The following RAB6B variants were observed in gnomAD, a reference collection of about 807,000 sequenced individuals.
RAB6B encodes the protein RAB6B, member RAS oncogene family.
Under a neutral mutation model 31.2 loss-of-function variants are expected in RAB6B, and 7 were observed. The observed-to-expected ratio is 0.22, with a 90% confidence interval of 0.13 to 0.42. The LOEUF is 0.42. RAB6B is among the 10% of genes least tolerant of loss of function. The probability of loss-of-function intolerance (pLI) is 1.00; values close to 1 mark genes in which losing one functional copy is unlikely to be tolerated. For synonymous variants in RAB6B, 105 were observed against 104.9 expected (o/e 1.00, Z -0.01); for missense variants, 149 against 280.6 (o/e 0.53, Z 3.35).
rs144136566 is a variant in RAB6B at position 133,852,604 on chromosome 3, G to A, written c.130-10941C>T. On this transcript the variant is annotated intron_variant, in intron 2 of 7. Coordinates refer to ENST00000285208, the MANE Select transcript of RAB6B (RefSeq NM_016577.4). ...TCCTGCCTCAGCCTCCCAAGTAGTT[G>A]GAACTACAGGAGTGTGCCACCACGC... 2.6e-3 allele frequency among the ~76,000 whole-genome samples: 391 copies of A among 151,678 alleles called. 5 individuals carry two copies. Among genetic ancestry groups the A allele is most frequent in the South Asian group, 0.022 (105 of 4,794 alleles).
At chr3:133,859,252 T>A (rs1936125875) in intron 2 of RAB6B, among the ~76,000 whole-genome samples, 1 of 152,248 alleles carries the variant, frequency 6.6e-6, no homozygotes, top group East Asian at 1.9e-4. Flanking sequence ...GTGCTGGGAT[T>A]ACAGGTGTGA....
intron 1 of RAB6B, among the ~76,000 whole-genome samples, chr3:133,888,608 A>C (rs1387568312): frequency 6.6e-6 from 1 of 152,242 alleles, no homozygotes; most frequent in African/African-American, 2.4e-5. Flanking sequence ...GATCAGAATA[A>C]ATAAGTTTTT....
rs1013542041 is a variant in RAB6B, at chr3:133,895,562, G to A, written c.-96C>T. 23 of 1,241,990 alleles carry A rather than the reference G, an allele frequency of 1.9e-5. No individual in the cohort carries two copies. Among genetic ancestry groups the A allele is most frequent in the Middle Eastern group, 1.9e-4 (1 of 5,162 alleles). The allele number at this position is 1,241,990 out of a possible 1,614,324, so 76.9% of individuals were successfully genotyped here. On this transcript the variant is annotated 5_prime_UTR_variant, in exon 1 of 8. Coordinates refer to ENST00000285208, the MANE Select transcript of RAB6B (RefSeq NM_016577.4). ...GGCGAGGGGAGGCGGCCGGCGGTGCGGGAGCCGGAGGGGGAAGGGCTGGCT... is the reference window on the plus strand; with the variant it reads ...GGCGAGGGGAGGCGGCCGGCGGTGCAGGAGCCGGAGGGGGAAGGGCTGGCT...
At chr3:133,889,717 T>C (rs1055177281) in intron 1 of RAB6B, among the ~76,000 whole-genome samples, 2 of 152,218 alleles carry the variant, frequency 1.3e-5, no homozygotes, top group East Asian at 3.9e-4. Context: ...GTGCTGGGAT[T>C]ACAGGCGTAA....
chr3:133,864,282 G>A (rs1936205229), intron 2 of RAB6B, among the ~76,000 whole-genome samples: 1 of 152,152 alleles, frequency 6.6e-6, no homozygotes, highest in Non-Finnish European at 1.5e-5. Context: ...TCCACATGAT[G>A]ACTCCCCTGA....
rs766539658 is a variant in RAB6B at position 133,838,136 on chromosome 3, TGCCGGGCCCC to T, written c.495+20_495+29del. The T allele has an allele frequency of 1.7e-5, 27 of 1,577,188 alleles. No individual in the cohort carries two copies. Among genetic ancestry groups the T allele is most frequent in the Non-Finnish European group, 2.2e-5 (25 of 1,147,136 alleles). On this transcript the variant is annotated intron_variant, in intron 6 of 7. Coordinates refer to ENST00000285208, the MANE Select transcript of RAB6B (RefSeq NM_016577.4). ...CAGGGCTACACCGTGCCGGGCCCCG[TGCCGGGCCCC>T]GTGCCAGGTGTGTCCTCACCTGCTT... is the stretch of plus-strand genomic sequence containing the variant.
chr3:133,837,479 C>G (rs1935753979), intron 6 of RAB6B, among the ~76,000 whole-genome samples: 2 of 152,192 alleles, frequency 1.3e-5, no homozygotes, highest in African/African-American at 4.8e-5. Context: ...GCCATAGGCA[C>G]TGCTAATGTG....
At chr3:133,842,050 C>T (rs1935844194) in intron 2 of RAB6B, among the ~76,000 whole-genome samples, 1 of 152,246 alleles carries the variant, frequency 6.6e-6, no homozygotes, top group South Asian at 2.1e-4. Context: ...CTTCCAAAGC[C>T]TCTTCCCTCT....
chr3:133,841,985 C>A (rs1263839862), intron 2 of RAB6B, among the ~76,000 whole-genome samples: 26 of 152,230 alleles, frequency 1.7e-4, no homozygotes, highest in Non-Finnish European at 4.4e-5. Context: ...ACGCACATAT[C>A]CTGCCCTCCC....
chr3:133,843,868 C>T (rs1205859552), intron 2 of RAB6B, among the ~76,000 whole-genome samples: 1 of 152,086 alleles, frequency 6.6e-6, no homozygotes, highest in Non-Finnish European at 1.5e-5. Context: ...GACAGAGGAG[C>T]GATGACATCA....
At chr3:133,836,124 G>A (rs886886644) in intron 6 of RAB6B, among the ~76,000 whole-genome samples, 15 of 152,162 alleles carry the variant, frequency 9.9e-5, no homozygotes, top group African/African-American at 2.9e-4. Context: ...CTGAGCACCC[G>A]GGCTGGGTGA....
chr3:133,831,106 C>T (rs1026419726), intron 7 of RAB6B, among the ~76,000 whole-genome samples: 1 of 152,206 alleles, frequency 6.6e-6, no homozygotes, highest in African/African-American at 2.4e-5. Context: ...ATCTCATGCG[C>T]AATTTGATCA....
intron 1 of RAB6B, among the ~76,000 whole-genome samples, chr3:133,865,786 C>A (rs2108004488): frequency 6.6e-6 from 1 of 152,362 alleles, no homozygotes; most frequent in Admixed American, 6.5e-5. Flanking sequence ...GCCAACAGGA[C>A]CCCTTGGCAA....
At chr3:133,869,183 G>A (rs1936282678) in intron 1 of RAB6B, among the ~76,000 whole-genome samples, 2 of 152,230 alleles carry the variant, frequency 1.3e-5, no homozygotes, top group African/African-American at 4.8e-5. Context: ...GAAAACACTC[G>A]TGAGAAGAAA....
Position 133,841,648 on chromosome 3 carries a change from C to A in RAB6B, c.145G>T (p.Asp49Tyr). ...DNTYQATIGI[D>Y]FLSKTMYLED... ...AAGTACATGGTTTTTGACAAGAAGT[C>A]AATCCCAATGGTTGCCTGTTAGAGA... is the stretch of plus-strand genomic sequence containing the variant. Residue 49 changes from aspartate to tyrosine, a missense_variant, in exon 3 of 8, where the codon GAC becomes TAC. Physicochemically the swap from Asp to Tyr is radical, Grantham distance 160. Around this residue, in one of 2 missense-constraint regions of RAB6B, gnomAD observed 75 missense variants for 180.1 expected, o/e 0.42. Coordinates refer to ENST00000285208, the MANE Select transcript of RAB6B (RefSeq NM_016577.4). The A allele has an allele frequency of 6.2e-7, 1 of 1,613,964 alleles. No individual in the cohort carries two copies. Among genetic ancestry groups the A allele is most frequent in the South Asian group, 1.1e-5 (1 of 91,040 alleles).
chr3:133,879,854 C>T (rs370993700), intron 1 of RAB6B, among the ~76,000 whole-genome samples: 1 of 152,214 alleles, frequency 6.6e-6, no homozygotes, highest in Non-Finnish European at 1.5e-5. Context: ...GCTTTGAATG[C>T]TAGCCACCCT....
chr3:133,895,372 C>T (rs773916848), intron 1 of RAB6B, 25 bp downstream of exon 1: 6 of 1,606,420 alleles, frequency 3.7e-6, no homozygotes, highest in Non-Finnish European at 5.1e-6. Flanking sequence ...CGGCGACAAG[C>T]CAAGAGATTA....
chr3:133,839,026 C>T (rs1318952263), intron 5 of RAB6B, among the ~76,000 whole-genome samples: 1 of 152,238 alleles, frequency 6.6e-6, no homozygotes, highest in Non-Finnish European at 1.5e-5. Flanking sequence ...CAGCCACAAA[C>T]CAGGCTAAGC....
chr3:133,863,702 T>C (rs1396968922), intron 2 of RAB6B, among the ~76,000 whole-genome samples: 1 of 152,166 alleles, frequency 6.6e-6, no homozygotes, highest in Non-Finnish European at 1.5e-5. Context: ...ACCTCAACTT[T>C]TTTTCAAGTA....
Sources: gnomAD v4.1 joint callset for allele counts (sites outside exome capture counted in the v4.1 genomes callset) on GRCh38, gnomAD v4.1.1 for gene constraint, gnomAD v4.1.1 regional missense constraint, MANE v1.5 for transcripts, NCBI Gene and HGNC (gene_info 2026-07-23, HGNC 2026-07-21) for gene names.